PALLD: variants seen among roughly 807,000 people sequenced by gnomAD.
The protein encoded by PALLD is palladin, cytoskeletal associated protein, also known as palladin.
Under a neutral mutation model 123.5 loss-of-function variants are expected in PALLD, and 61 were observed. That is an observed-to-expected ratio of 0.49 (90% CI 0.40 to 0.61). The LOEUF is 0.61. Among genes scored for constraint, PALLD ranks in the 20% least tolerant of loss-of-function variants. PALLD has a pLI of 0.00. For synonymous variants in PALLD, 465 were observed against 496.4 expected (o/e 0.94, Z 0.84); for missense variants, 1,273 against 1,377.0 (o/e 0.92, Z 1.20).
intron 10 of PALLD, among the ~76,000 whole-genome samples, chr4:168,825,998 A>G (rs1743370517): frequency 6.6e-6 from 1 of 152,226 alleles, no homozygotes; most frequent in Non-Finnish European, 1.5e-5. Flanking sequence ...TATATATAAG[A>G]TACAACTTAA....
At chr4:168,656,034 T>C (rs1408766393) in intron 2 of PALLD, among the ~76,000 whole-genome samples, 10 of 152,176 alleles carry the variant, frequency 6.6e-5, no homozygotes, top group Admixed American at 1.3e-4. Context: ...TGTATTTCAG[T>C]GGACAGGTTC....
intron 2 of PALLD, among the ~76,000 whole-genome samples, chr4:168,628,350 T>C (rs1168102696): frequency 1.3e-5 from 2 of 152,226 alleles, no homozygotes; most frequent in Non-Finnish European, 2.9e-5. Flanking sequence ...GACCCTCCAA[T>C]GGCTGTCTGT....
intron 15 of PALLD, among the ~76,000 whole-genome samples, chr4:168,909,907 T>A (rs1432742521): frequency 1.3e-5 from 2 of 152,166 alleles, no homozygotes; most frequent in East Asian, 3.8e-4. Flanking sequence ...ATACAACTTC[T>A]TAGTTTGGAT....
rs1245275438 is a variant in PALLD, at chr4:168,927,048, C to CTT, written c.*869_*870dup. ...GTTTTCATGCTACCTTGGTAGGAAA[C>CTT]TTATTTACAAACCATATTAAAAGGC... On this transcript the variant is annotated 3_prime_UTR_variant, in exon 22 of 22. Transcript: ENST00000505667. 4.1e-5 allele frequency: 9 copies of CTT among 219,526 alleles called. No individual in the cohort carries two copies. The highest frequency in any genetic ancestry group is 7.3e-5 in the Non-Finnish European group (8 of 109,118). 13.6% of individuals were successfully genotyped at this position (219,526 alleles called of 1,614,324 possible).
chr4:168,771,195 C>A (rs1029676820), intron 10 of PALLD, among the ~76,000 whole-genome samples: 3 of 151,992 alleles, frequency 2.0e-5, no homozygotes, highest in African/African-American at 4.8e-5. Flanking sequence ...TTATCATATC[C>A]CTTTGGCATG....
intron 10 of PALLD, among the ~76,000 whole-genome samples, chr4:168,714,724 T>C (rs1452205885): frequency 6.6e-6 from 1 of 152,170 alleles, no homozygotes; most frequent in East Asian, 1.9e-4. Context: ...TCTCCATCAT[T>C]TGTAAACAAA....
intron 8 of PALLD, among the ~76,000 whole-genome samples, chr4:168,693,867 T>A (rs139847059): frequency 3.5e-4 from 53 of 150,280 alleles, no homozygotes; most frequent in African/African-American, 1.1e-3. Context: ...AAATCCATGA[T>A]CATGTTTTTT....
chr4:168,891,100 C>A, intron 11 of PALLD, 43 bp downstream of exon 11: 2 of 1,597,626 alleles, frequency 1.3e-6, no homozygotes, highest in Non-Finnish European at 1.7e-6. Flanking sequence ...GTTAGCTACC[C>A]ACATACCTTT....
At chr4:168,758,200 AT>A (rs200625308) in intron 10 of PALLD, among the ~76,000 whole-genome samples, 10 of 149,054 alleles carry the variant, frequency 6.7e-5, no homozygotes, top group South Asian at 2.1e-4. Flanking sequence ...CCTTCCTGCT[AT>A]TTTTTTTTTA....
rs188569920 is a variant in PALLD at position 168,528,871 on chromosome 4, T to C, written c.908+16459T>C. On this transcript the variant is annotated intron_variant, in intron 2 of 21. Coordinates refer to ENST00000505667, the MANE Select transcript of PALLD (RefSeq NM_001166108.2). ...TTAGGCATTTTTTTCACGTCTGTTA[T>C]CCTGGAATGAGTAAACTCTAATGAG... Among the ~76,000 whole-genome samples, 373 of 152,292 alleles carry C rather than the reference T, an allele frequency of 2.4e-3. 4 individuals carry two copies. The highest frequency in any genetic ancestry group is 7.4e-3 in the African/African-American group (306 of 41,546).
chr4:168,561,911 A>G (rs1767907291), intron 2 of PALLD, among the ~76,000 whole-genome samples: 1 of 144,008 alleles, frequency 6.9e-6, no homozygotes, highest in Non-Finnish European at 1.6e-5. Context: ...CCCTCCACTA[A>G]TCAACAGATA....
In PALLD at chr4:168,849,257, C is replaced by T. The variant is rs1227040067; in HGVS notation, c.1965-41665C>T. Among the ~76,000 whole-genome samples the T allele has an allele frequency of 5.9e-5, 9 of 152,364 alleles. No homozygotes were observed. In the East Asian group the frequency reaches 1.2e-3, roughly 20 times the overall value. ...GTAATGCGTTCCAGACGTCTGCACGCCCCTGGTGCAAGCACCAGCTTTCTG... is the reference window on the plus strand; with the variant it reads ...GTAATGCGTTCCAGACGTCTGCACGTCCCTGGTGCAAGCACCAGCTTTCTG... On this transcript the variant is annotated intron_variant, in intron 10 of 21. Coordinates refer to ENST00000505667, the MANE Select transcript of PALLD (RefSeq NM_001166108.2).
chr4:168,838,560 C>T (rs1745526281), intron 10 of PALLD, among the ~76,000 whole-genome samples: 1 of 151,518 alleles, frequency 6.6e-6, no homozygotes, highest in African/African-American at 2.4e-5. Context: ...AATGTACACT[C>T]AGGATCTGCC....
chr4:168,727,016 G>A (rs554256827), intron 10 of PALLD, among the ~76,000 whole-genome samples: 45 of 152,236 alleles, frequency 3.0e-4, no homozygotes, highest in Non-Finnish European at 5.3e-4. Context: ...TTAGGATTAT[G>A]GCCTCCAGCT....
intron 10 of PALLD, among the ~76,000 whole-genome samples, chr4:168,742,772 A>C (rs1252807886): frequency 1.3e-5 from 2 of 152,214 alleles, no homozygotes; most frequent in South Asian, 4.1e-4. Flanking sequence ...TTAACCCTAC[A>C]TATGTTAATC....
At chr4:168,589,642 A>G (rs1247456731) in intron 2 of PALLD, among the ~76,000 whole-genome samples, 3 of 152,128 alleles carry the variant, frequency 2.0e-5, no homozygotes, top group Admixed American at 6.5e-5. Context: ...CAGAGCTGAC[A>G]CTCCATATTA....
chr4:168,794,323 C>G (rs1190602446), intron 10 of PALLD, among the ~76,000 whole-genome samples: 1 of 152,216 alleles, frequency 6.6e-6, no homozygotes, highest in Non-Finnish European at 1.5e-5. Context: ...TACTCAGGCC[C>G]TCTAAGGGGT....
chr4:168,719,634 T>C (rs1785786372), intron 10 of PALLD, among the ~76,000 whole-genome samples: 1 of 152,144 alleles, frequency 6.6e-6, no homozygotes, highest in African/African-American at 2.4e-5. Context: ...AGTTATATAT[T>C]TGCCTGTCAC....
Position 168,511,976 on chromosome 4 carries a change from C to A in PALLD, c.472C>A (p.His158Asn), listed in dbSNP as rs777197884. The A allele has an allele frequency of 3.3e-5, 53 of 1,614,222 alleles. No individual in the cohort carries two copies. The East Asian group carries it at 1.1e-3, about 34-fold the overall frequency. Residue 158 changes from histidine (H) to asparagine (N), a missense_variant, in exon 2 of 22, where the codon CAT (histidine) becomes AAT (asparagine). His to Asn is a moderately conservative substitution (Grantham distance 68). This residue lies in a region of PALLD where 944 missense variants were observed against 954.5 expected (regional missense o/e 0.99). Transcript: ENST00000505667. ...CACAAACGTAAAGCCCAAAACGCCA[C>A]ATCAAAGAAAGGGTGGCCCCCAGAG... ...PSTNVKPKTP[H>N]QRKGGPQSQL...
Sources: gnomAD v4.1 joint callset for allele counts (sites outside exome capture counted in the v4.1 genomes callset) on GRCh38, gnomAD v4.1.1 for gene constraint, gnomAD v4.1.1 regional missense constraint, MANE v1.5 for transcripts, NCBI Gene and HGNC (gene_info 2026-07-23, HGNC 2026-07-21) for gene names.